ALOX12B: variants seen among roughly 807,000 people sequenced by gnomAD.
ALOX12B encodes the protein arachidonate 12-lipoxygenase, 12R-type.
A neutral mutation model predicts 78.9 loss-of-function variants in ALOX12B; 47 were observed. The ratio of observed to expected loss-of-function variants is 0.60; its 90% CI spans 0.47 to 0.76. ALOX12B has a LOEUF of 0.76. ALOX12B is among the 30% of genes least tolerant of loss of function. ALOX12B has a pLI of 0.00. For missense variants in ALOX12B, 805 were observed against 922.6 expected, an observed-to-expected ratio of 0.87 and a Z score of 1.65; for synonymous variants, 370 against 374.5, an observed-to-expected ratio of 0.99 and a Z score of 0.14.
chr17:8,078,658 C>G (rs940868920), intron 8 of ALOX12B, among the ~76,000 whole-genome samples: 2 of 152,104 alleles, frequency 1.3e-5, no homozygotes, highest in Non-Finnish European at 2.9e-5. Context: ...TACTTCTGTA[C>G]CTCAGGGGAC....
rs759653224 is a variant in ALOX12B at position 8,077,106 on chromosome 17, A to AG, written c.1158dup (p.Tyr387LeufsTer21). The AG allele has an allele frequency of 7.4e-6, 12 of 1,613,886 alleles. No individual in the cohort carries two copies. The African/African-American group carries it at 1.6e-4, about 22-fold the overall frequency. ...GCCTCGTGGCTGTAGAACTCCGCAT[A>AG]GCGTACCCACGTCTTGGCTAGCAGC... On this transcript the variant is annotated frameshift_variant, in exon 9 of 15. Coordinates refer to ENST00000647874, the MANE Select transcript of ALOX12B (RefSeq NM_001139.3). LOFTEE classifies it high-confidence loss of function.
rs948579019 is a variant in ALOX12B at position 8,079,679 on chromosome 17, C to A, written c.927+90G>T. 2.6e-6 allele frequency: 4 copies of A among 1,545,120 alleles called. No individual in the cohort carries two copies. The highest frequency in any genetic ancestry group is 3.5e-6 in the Non-Finnish European group (4 of 1,144,084). ...ACGCGGGGTGCGGGCTTGCCTGGGA[C>A]TGGCGCGGGCGCCGGAGGTGGGGAG... On this transcript the variant is annotated intron_variant, in intron 7 of 14. Transcript: ENST00000647874. The surrounding 1 kb of genome is among the most constrained non-coding windows in gnomAD (Gnocchi z 6.4).
chr17:8,075,803 AC>A, intron 11 of ALOX12B, 87 bp from the exon 12 acceptor site: 1 of 1,609,730 alleles, frequency 6.2e-7, no homozygotes, highest in Non-Finnish European at 8.5e-7. Context: ...GGGTGCCCTG[AC>A]CTCAGTTGGC....
In ALOX12B at chr17:8,072,645, G is replaced by GT. The variant is rs940772904; in HGVS notation, c.*125dup. ...CACAGCCAGACCCAGGGAAAGGAAGGTTTTTTGTTTTTTTGTTTGTTTGGT... is the reference window on the plus strand; with the variant it reads ...CACAGCCAGACCCAGGGAAAGGAAGGTTTTTTTGTTTTTTTGTTTGTTTGGT... On this transcript the variant is annotated 3_prime_UTR_variant, in exon 15 of 15. Coordinates refer to ENST00000647874, the MANE Select transcript of ALOX12B (RefSeq NM_001139.3). The GT allele has an allele frequency of 3.2e-5, 45 of 1,400,332 alleles. No homozygotes were observed. The Middle Eastern group carries it at 9.4e-4, about 29-fold the overall frequency. 86.7% of individuals were successfully genotyped at this position (1,400,332 alleles called of 1,614,324 possible).
Position 8,073,143 on chromosome 17 carries a change from C to A in ALOX12B, c.1926+5G>T. On this transcript the variant is annotated splice_donor_5th_base_variant and intron_variant, in intron 14 of 14. Coordinates refer to ENST00000647874, the MANE Select transcript of ALOX12B (RefSeq NM_001139.3). ...GTGCTCAGAGTCCCCCATCCCGTCT[C>A]GCACCCTGTCGTCAGGCTCTCGGCT... 1 of 1,614,106 alleles carries A rather than the reference C, an allele frequency of 6.2e-7. No homozygotes were observed. Among genetic ancestry groups the A allele is most frequent in the South Asian group, 1.1e-5 (1 of 91,078 alleles).
At chr17:8,077,241 C>CACAA (rs1977107209) in intron 8 of ALOX12B, 48 bp from the exon 9 acceptor site, 3 of 1,547,498 alleles carry the variant, frequency 1.9e-6, no homozygotes, top group African/African-American at 2.7e-5. Context: ...GAGACCCACA[C>CACAA]ACATAAAGGC....
intron 2 of ALOX12B, among the ~76,000 whole-genome samples, chr17:8,081,831 C>G (rs1056156086): frequency 1.3e-5 from 2 of 152,060 alleles, no homozygotes; most frequent in African/African-American, 4.8e-5. Context: ...TTAGTAGACA[C>G]GTGGTTTCGC....
chr17:8,081,923 G>A (rs139759705), intron 2 of ALOX12B, among the ~76,000 whole-genome samples: 2,218 of 152,270 alleles, frequency 0.015, 38 homozygotes, highest in Middle Eastern at 0.037. Context: ...GATTATAGGT[G>A]TGAGCCACCA....
chr17:8,082,290 G>A (rs1450567409), intron 2 of ALOX12B, among the ~76,000 whole-genome samples: 1 of 152,170 alleles, frequency 6.6e-6, no homozygotes, highest in African/African-American at 2.4e-5. Flanking sequence ...CTAGGTCCCA[G>A]GTATTGGGAA....
Position 8,087,713 on chromosome 17 carries a change from T to C in ALOX12B, c.-271A>G. The C allele has an allele frequency of 3.7e-6, 2 of 544,744 alleles. No homozygotes were observed. The allele number at this position is 544,744 out of a possible 1,614,324, so 33.7% of individuals were successfully genotyped here. A position where few individuals can be genotyped will look rare whatever the true frequency, so the allele number is the denominator to read the frequency against. On this transcript the variant is annotated 5_prime_UTR_variant, in exon 1 of 15. Coordinates refer to ENST00000647874, the MANE Select transcript of ALOX12B (RefSeq NM_001139.3). ...TGAGCAGGTGTCTGGGCTCCAAGCCTTCTGGGAGCTGGTGGGGAGGAAGAG... is the reference window on the plus strand; with the variant it reads ...TGAGCAGGTGTCTGGGCTCCAAGCCCTCTGGGAGCTGGTGGGGAGGAAGAG...
At chr17:8,085,582 T>C (rs1978294372) in intron 2 of ALOX12B, among the ~76,000 whole-genome samples, 1 of 152,214 alleles carries the variant, frequency 6.6e-6, no homozygotes, top group Non-Finnish European at 1.5e-5. Context: ...AACAGAATCC[T>C]GCTGGAGTAA....
Position 8,080,524 on chromosome 17 carries a change from TG to T in ALOX12B, c.650+133del. On this transcript the variant is annotated intron_variant, in intron 5 of 14. Coordinates refer to ENST00000647874, the MANE Select transcript of ALOX12B (RefSeq NM_001139.3). This position sits in a 1 kb window ranked among gnomAD's most constrained non-coding sequence, Gnocchi z 4.8. The stretch of plus-strand genomic sequence containing the variant: ...CTCTGGGATCATGTCTCAGGTTTTC[TG>T]GGTCTGCGTTTCAGCTCCCTCTGCC... 6.1e-6 allele frequency: 9 copies of T among 1,471,118 alleles called. No individual in the cohort carries two copies. The highest frequency in any genetic ancestry group is 8.5e-6 in the Non-Finnish European group (9 of 1,064,592). The allele number at this position is 1,471,118 out of a possible 1,614,324, so 91.1% of individuals were successfully genotyped here.
rs753070490 is a variant in ALOX12B at position 8,077,164 on chromosome 17, G to A, written c.1101C>T (p.Pro367=). 52 of 1,613,506 alleles carry A rather than the reference G, an allele frequency of 3.2e-5. 1 individual carries two copies. In the South Asian group the frequency reaches 5.4e-4, roughly 17 times the overall value. The part of the protein sequence containing the change: ...QLSQTPGPDC[P]IFLPSDSEWD... Reference sequence around the variant, plus strand: ...ACTCAGAATCACTGGGCAGGAAGATGGGGCAATCTGGCCCAGGGGTCTGGC... The same window carrying A: ...ACTCAGAATCACTGGGCAGGAAGATAGGGCAATCTGGCCCAGGGGTCTGGC... Residue 367 remains proline (P), a synonymous_variant, in exon 9 of 15, where the codon CCC becomes CCT. Coordinates refer to ENST00000647874, the MANE Select transcript of ALOX12B (RefSeq NM_001139.3).
chr17:8,079,596 C>A lies in ALOX12B; in HGVS notation c.928-57G>T. 1 of 1,544,788 alleles carries A rather than the reference C, an allele frequency of 6.5e-7. No homozygotes were observed. The highest frequency in any genetic ancestry group is 8.7e-7 in the Non-Finnish European group (1 of 1,143,738). On this transcript the variant is annotated intron_variant, in intron 7 of 14. Transcript: ENST00000647874. The surrounding 1 kb of genome is among the most constrained non-coding windows in gnomAD (Gnocchi z 6.4). ...GCACCCACACGGGAAGCCCGTGACCCGCGCCGCAGGTGCACAGGGCGCTGG... is the reference window on the plus strand; with the variant it reads ...GCACCCACACGGGAAGCCCGTGACCAGCGCCGCAGGTGCACAGGGCGCTGG...
chr17:8,076,347 G>A lies in ALOX12B; in HGVS notation c.1363-3C>T. On this transcript the variant is annotated splice_region_variant and splice_polypyrimidine_tract_variant and intron_variant, in intron 10 of 14. Coordinates refer to ENST00000647874, the MANE Select transcript of ALOX12B (RefSeq NM_001139.3). ...CCTTCCACGCCCAGGGACATGCCCTGTGAGGAAGGAGGCAGATCCTGGAGC... is the reference window on the plus strand; with the variant it reads ...CCTTCCACGCCCAGGGACATGCCCTATGAGGAAGGAGGCAGATCCTGGAGC... 6.3e-7 allele frequency: 1 copy of A among 1,597,064 alleles called. No homozygotes were observed. Among genetic ancestry groups the A allele is most frequent in the Non-Finnish European group, 8.5e-7 (1 of 1,171,370 alleles).
chr17:8,075,701 G>T lies in ALOX12B; in HGVS notation c.1548C>A (p.Ile516=), dbSNP rs754501270. 10 of 1,614,160 alleles carry T rather than the reference G, an allele frequency of 6.2e-6. No homozygotes were observed. The South Asian group carries it at 8.8e-5, about 14-fold the overall frequency. Residue 516 remains isoleucine (I), a synonymous_variant, in exon 12 of 15, where the codon ATC becomes ATA. Coordinates refer to ENST00000647874, the MANE Select transcript of ALOX12B (RefSeq NM_001139.3). ...WNALEKYVTE[I]ITYYYPSDAA... ...CGTCACTCGGGTAATAATAGGTGAT[G>T]ATCTCCGTCACATACCTGACCAGGG...
In ALOX12B at chr17:8,086,206, G is replaced by T. The variant is rs140358107; in HGVS notation, c.162C>A (p.Thr54=). ...DFATGAVGQY[T]VQCPQDLGEL... ...CACCCAGGTCCTGAGGGCACTGCAC[G>T]GTGTACTGGCCCACCTAGGCAGGAT... Residue 54 remains threonine (T), a synonymous_variant, in exon 2 of 15, where the codon ACC becomes ACA. Coordinates refer to ENST00000647874, the MANE Select transcript of ALOX12B (RefSeq NM_001139.3). 1 of 1,614,034 alleles carries T rather than the reference G, an allele frequency of 6.2e-7. No individual in the cohort carries two copies. Among genetic ancestry groups the T allele is most frequent in the South Asian group, 1.1e-5 (1 of 91,068 alleles).
intron 2 of ALOX12B, among the ~76,000 whole-genome samples, chr17:8,084,294 T>C (rs894252073): frequency 6.6e-6 from 1 of 152,074 alleles, no homozygotes; most frequent in Non-Finnish European, 1.5e-5. Context: ...GCCCATCATT[T>C]CCCCTCAAGT....
intron 11 of ALOX12B, among the ~76,000 whole-genome samples, chr17:8,075,951 G>C (rs753556335): frequency 6.6e-6 from 1 of 152,166 alleles, no homozygotes; most frequent in Non-Finnish European, 1.5e-5. Context: ...TCAGATCCCA[G>C]AAGCGATTTG....
Sources: allele counts gnomAD v4.1 joint callset (sites outside exome capture counted in the v4.1 genomes callset), GRCh38; gene constraint gnomAD v4.1.1; non-coding constraint Gnocchi (gnomAD v3.1); transcripts MANE v1.5; gene names NCBI Gene and HGNC (gene_info 2026-07-23, HGNC 2026-07-21).